Variants in TBCA observed in about 807,000 individuals in gnomAD.
The protein encoded by TBCA is tubulin folding cofactor A, also known as tubulin-specific chaperone A.
TBCA carries 6 observed loss-of-function variants against 15.8 expected under a neutral mutation model. The ratio of observed to expected loss-of-function variants is 0.38; its 90% CI spans 0.21 to 0.75. The LOEUF is 0.75. TBCA is among the 30% of genes least tolerant of loss of function. The pLI is 0.46. For missense variants in TBCA, 90 were observed against 131.2 expected (o/e 0.69, Z 1.53); for synonymous variants, 32 against 42.3 (o/e 0.76, Z 0.94).
intron 2 of TBCA, among the ~76,000 whole-genome samples, chr5:77,702,175 C>T (rs1003388885): frequency 6.6e-6 from 1 of 152,118 alleles, no homozygotes; most frequent in African/African-American, 2.4e-5. Context: ...CCTGTGCCCC[C>T]AAAACCTACA....
At chr5:77,703,523 T>TA in intron 2 of TBCA, among the ~76,000 whole-genome samples, 1 of 152,344 alleles carries the variant, frequency 6.6e-6, no homozygotes, top group East Asian at 1.9e-4. Flanking sequence ...AATTGACTGA[T>TA]ATTCTAGCCT....
chr5:77,745,254 T>C, intron 1 of TBCA, among the ~76,000 whole-genome samples: 1 of 152,176 alleles, frequency 6.6e-6, no homozygotes, highest in Non-Finnish European at 1.5e-5. Context: ...AGTATAAAAG[T>C]GATATTACCT....
At chr5:77,774,219 TGAAA>T (rs1425732112) in intron 1 of TBCA, among the ~76,000 whole-genome samples, 13 of 152,226 alleles carry the variant, frequency 8.5e-5, no homozygotes, top group African/African-American at 3.1e-4. Flanking sequence ...TAGCGGGATC[TGAAA>T]GAAATAAAAG....
chr5:77,693,320 G>A lies in TBCA; in HGVS notation c.192C>T (p.Ile64=), dbSNP rs755184366. 3.5e-5 allele frequency: 56 copies of A among 1,613,478 alleles called. No homozygotes were observed. The Middle Eastern group carries it at 5.0e-4, about 14-fold the overall frequency. The change falls in exon 3 of 4, where the codon ATC becomes ATT. Residue 64 remains isoleucine, a synonymous_variant. Coordinates refer to ENST00000380377, the MANE Select transcript of TBCA (RefSeq NM_004607.3). Reference sequence around the variant, plus strand: ...CTTCCAACCTGCGCTGGCAATCTGGGATCATCATCCTGGATTCTTGTAGGA... The same window carrying A: ...CTTCCAACCTGCGCTGGCAATCTGGAATCATCATCCTGGATTCTTGTAGGA... The part of the protein sequence containing the change: ...AEILQESRMM[I]PDCQRRLEAA...
At chr5:77,737,588 G>A (rs352582) in intron 1 of TBCA, among the ~76,000 whole-genome samples, 58,036 of 151,958 alleles carry the variant, frequency 0.38, 11,127 homozygotes, top group South Asian at 0.41. Flanking sequence ...CAGGTTCATC[G>A]TTTTATAAAA....
intron 1 of TBCA, among the ~76,000 whole-genome samples, chr5:77,755,271 C>A (rs1747445653): frequency 6.6e-6 from 1 of 152,146 alleles, no homozygotes; most frequent in Admixed American, 6.5e-5. Flanking sequence ...ATGTAATTTG[C>A]CCATCAGTTT....
intron 1 of TBCA, among the ~76,000 whole-genome samples, chr5:77,766,916 A>G (rs1230647839): frequency 6.6e-6 from 1 of 152,210 alleles, no homozygotes; most frequent in Non-Finnish European, 1.5e-5. Context: ...TTAAGTGTCT[A>G]TTTGTTGAAA....
At chr5:77,702,023 T>C (rs1253320913) in intron 2 of TBCA, among the ~76,000 whole-genome samples, 2 of 151,764 alleles carry the variant, frequency 1.3e-5, no homozygotes, top group East Asian at 3.9e-4. Flanking sequence ...ACAATAGACC[T>C]TGGGGACTCA....
chr5:77,722,930 A>T (rs1472549372), intron 1 of TBCA, among the ~76,000 whole-genome samples: 1 of 151,808 alleles, frequency 6.6e-6, no homozygotes, highest in Non-Finnish European at 1.5e-5. Context: ...TCTCTCTATG[A>T]TAGTATAATA....
At chr5:77,711,058 G>A (rs907641778) in intron 1 of TBCA, among the ~76,000 whole-genome samples, 1 of 152,104 alleles carries the variant, frequency 6.6e-6, no homozygotes, top group Non-Finnish European at 1.5e-5. Context: ...TATGGCCAGG[G>A]AGCCAAATCT....
intron 1 of TBCA, among the ~76,000 whole-genome samples, chr5:77,732,550 CAAAAAAA>C (rs35780694): frequency 0.18 from 15,826 of 89,520 alleles, 1,243 homozygotes; most frequent in East Asian, 0.47. Flanking sequence ...GACTCTGTCT[CAAAAAAA>C]AAAAAAAAAA....
At chr5:77,702,647 T>C (rs1037847996) in intron 2 of TBCA, among the ~76,000 whole-genome samples, 3 of 152,188 alleles carry the variant, frequency 2.0e-5, no homozygotes, top group Non-Finnish European at 4.4e-5. Flanking sequence ...TAGTGAAATA[T>C]GAGTAAGCTC....
chr5:77,759,503 G>A (rs978147377), intron 1 of TBCA, among the ~76,000 whole-genome samples: 8 of 152,204 alleles, frequency 5.3e-5, no homozygotes, highest in Non-Finnish European at 1.0e-4. Context: ...TGAGGAGGGA[G>A]TCCATTCAGA....
intron 1 of TBCA, among the ~76,000 whole-genome samples, chr5:77,731,870 G>A (rs914380104): frequency 1.1e-4 from 17 of 152,118 alleles, no homozygotes; most frequent in African/African-American, 4.1e-4. Flanking sequence ...AGTTAAAGAG[G>A]AGAAAATTCC....
In TBCA at chr5:77,693,387, G is replaced by C. The variant is rs1580086732; in HGVS notation, c.160-35C>G. The C allele has an allele frequency of 6.9e-6, 11 of 1,593,074 alleles. No homozygotes were observed. In the East Asian group the frequency reaches 2.5e-4, roughly 36 times the overall value. On this transcript the variant is annotated intron_variant, in intron 2 of 3. Transcript: ENST00000380377. ...GAATCTCTGTGAGACGTTCAAAGAT[G>C]GCAGAACTTGTAGGTGTTTAGCTCA...
Position 77,691,266 on chromosome 5 carries a change from G to A in TBCA, c.*152C>T, listed in dbSNP as rs1488170303. 1 of 640,330 alleles carries A rather than the reference G, an allele frequency of 1.6e-6. No individual in the cohort carries two copies. Among genetic ancestry groups the A allele is most frequent in the Non-Finnish European group, 2.6e-6 (1 of 381,934 alleles). 39.7% of individuals were successfully genotyped at this position (640,330 alleles called of 1,614,324 possible). Reference sequence around the variant, plus strand: ...TTTTATTAGATGAACTCATTTATTTGACATATTAAATTAGACAAAGAAATA... The same window carrying A: ...TTTTATTAGATGAACTCATTTATTTAACATATTAAATTAGACAAAGAAATA... On this transcript the variant is annotated 3_prime_UTR_variant, in exon 4 of 4. Coordinates refer to ENST00000380377, the MANE Select transcript of TBCA (RefSeq NM_004607.3).
chr5:77,693,084 T>A (rs1398083632), intron 3 of TBCA, 182 bp downstream of exon 3: 1 of 1,460,710 alleles, frequency 6.8e-7, no homozygotes. Context: ...GTACTTTTAC[T>A]GGAGGCATAA....
chr5:77,735,146 T>C (rs1271199118), intron 1 of TBCA, among the ~76,000 whole-genome samples: 3 of 152,186 alleles, frequency 2.0e-5, no homozygotes, highest in Non-Finnish European at 4.4e-5. Flanking sequence ...ATCTCCAAGG[T>C]ACCTGTATCT....
intron 1 of TBCA, among the ~76,000 whole-genome samples, chr5:77,742,753 T>C (rs1165367441): frequency 1.3e-5 from 2 of 152,220 alleles, no homozygotes; most frequent in African/African-American, 2.4e-5. Context: ...CTGATAACTA[T>C]CCAACACTCG....
Sources: allele counts gnomAD v4.1 joint callset (sites outside exome capture counted in the v4.1 genomes callset), GRCh38; gene constraint gnomAD v4.1.1; transcripts MANE v1.5; gene names NCBI Gene and HGNC (gene_info 2026-07-23, HGNC 2026-07-21).